Variants in AMOTL1 observed in about 807,000 individuals in gnomAD.
The protein encoded by AMOTL1 is angiomotin like 1.
Under a neutral mutation model 102.9 loss-of-function variants are expected in AMOTL1, and 45 were observed. The observed-to-expected ratio is 0.44, with a 90% confidence interval of 0.34 to 0.56. AMOTL1 has a LOEUF of 0.56. AMOTL1 is among the 20% of genes least tolerant of loss of function. The pLI is 0.01. For synonymous variants in AMOTL1, 481 were observed against 484.7 expected (o/e 0.99, Z 0.10); for missense variants, 1,114 against 1,225.6 (o/e 0.91, Z 1.36).
chr11:94,763,635 A>G (rs181436421), upstream of AMOTL1, among the ~76,000 whole-genome samples: 20 of 152,362 alleles, frequency 1.3e-4, no homozygotes, highest in Middle Eastern at 0.01. Flanking sequence ...TTCATATGTT[A>G]TATGTATTAA....
intron 3 of AMOTL1, among the ~76,000 whole-genome samples, chr11:94,817,822 A>C (rs747680985): frequency 2.6e-5 from 4 of 152,238 alleles, no homozygotes; most frequent in Non-Finnish European, 4.4e-5. Context: ...TGTGTTCATA[A>C]ACATCGAGCA....
chr11:94,710,997 C>G (rs1950015670), intron 1 of AMOTL1, among the ~76,000 whole-genome samples: 1 of 152,220 alleles, frequency 6.6e-6, no homozygotes, highest in Non-Finnish European at 1.5e-5. Flanking sequence ...CTACGGGGAT[C>G]CAAAGCCCAA....
chr11:94,755,199 C>T (rs1000973077), intron 3 of AMOTL1, among the ~76,000 whole-genome samples: 9 of 152,208 alleles, frequency 5.9e-5, no homozygotes, highest in African/African-American at 2.2e-4. Flanking sequence ...TTGATGCGTG[C>T]TTCACTGTGC....
intron 6 of AMOTL1, among the ~76,000 whole-genome samples, chr11:94,838,623 AAAG>A (rs1340528096): frequency 2.4e-4 from 37 of 152,356 alleles, no homozygotes; most frequent in African/African-American, 8.4e-4. Flanking sequence ...AGTCATGGAA[AAAG>A]AAGAAGAAAG....
At chr11:94,857,025 A>G (rs1016829754) in intron 8 of AMOTL1, among the ~76,000 whole-genome samples, 3 of 152,202 alleles carry the variant, frequency 2.0e-5, no homozygotes, top group Non-Finnish European at 2.9e-5. Context: ...GCAGAGAGGC[A>G]TGGAATCGTG....
At chr11:94,827,825 G>C (rs191516685) in intron 4 of AMOTL1, among the ~76,000 whole-genome samples, 1 of 152,324 alleles carries the variant, frequency 6.6e-6, no homozygotes, top group African/African-American at 2.4e-5. Context: ...CTCTCAGGGT[G>C]CTGACCACAG....
At chr11:94,723,935 C>G (rs968763585) in intron 1 of AMOTL1, among the ~76,000 whole-genome samples, 3 of 152,082 alleles carry the variant, frequency 2.0e-5, no homozygotes, top group Non-Finnish European at 4.4e-5. Context: ...AGCTTAGAAA[C>G]GGAAACTCGT....
At chr11:94,815,354 A>AC (rs960972046) in intron 3 of AMOTL1, among the ~76,000 whole-genome samples, 1 of 152,118 alleles carries the variant, frequency 6.6e-6, no homozygotes, top group African/African-American at 2.4e-5. Flanking sequence ...AAACAAACAA[A>AC]AAAAAAATTT....
intron 10 of AMOTL1, 101 bp from the exon 11 acceptor site, chr11:94,865,841 C>A: frequency 1.0e-6 from 1 of 994,308 alleles, no homozygotes; most frequent in Non-Finnish European, 1.5e-6. Context: ...ATCCTGTATC[C>A]CTAAATTACA....
At chr11:94,826,095 G>A (rs1157950982) in intron 4 of AMOTL1, among the ~76,000 whole-genome samples, 1 of 152,116 alleles carries the variant, frequency 6.6e-6, no homozygotes, top group Non-Finnish European at 1.5e-5. Flanking sequence ...GACCAGCCTG[G>A]CTAACATGGT....
intron 8 of AMOTL1, among the ~76,000 whole-genome samples, chr11:94,858,157 G>T (rs1168345440): frequency 6.6e-6 from 1 of 152,108 alleles, no homozygotes; most frequent in Admixed American, 6.5e-5. Context: ...ACTTTTCTTG[G>T]AAAGTTTCTA....
chr11:94,758,213 A>G (rs1950750644), intron 3 of AMOTL1, among the ~76,000 whole-genome samples: 1 of 152,264 alleles, frequency 6.6e-6, no homozygotes. Context: ...GATATGGAGC[A>G]GTGCCTAATG....
In AMOTL1 at chr11:94,830,106, C is replaced by T; in HGVS notation, c.1470C>T (p.Thr490=). 1.2e-6 allele frequency: 2 copies of T among 1,610,306 alleles called. No individual in the cohort carries two copies. Among genetic ancestry groups the T allele is most frequent in the African/African-American group, 1.3e-5 (1 of 75,000 alleles). ...CCTATGAAAGTCTGGTCAAGTCTAC[C>T]ACCAAGCGAGAATCGCTGGACAAGG... The part of the protein sequence containing the change: ...SEAYESLVKS[T]TKRESLDKAM... Residue 490 remains threonine, a synonymous_variant, in exon 5 of 13, where the codon ACC becomes ACT. Transcript: ENST00000433060.
chr11:94,796,115 T>G (rs1395036376), intron 2 of AMOTL1, among the ~76,000 whole-genome samples: 1 of 152,234 alleles, frequency 6.6e-6, no homozygotes, highest in African/African-American at 2.4e-5. Flanking sequence ...TTTAAAATTT[T>G]TTTGCTGTTG....
intron 7 of AMOTL1, among the ~76,000 whole-genome samples, chr11:94,850,685 T>C (rs999836232): frequency 6.6e-6 from 1 of 152,126 alleles, no homozygotes; most frequent in Non-Finnish European, 1.5e-5. Context: ...AGGCTATAGA[T>C]GAAGAAGAAG....
At chr11:94,749,092 A>G (rs763908995) in intron 3 of AMOTL1, among the ~76,000 whole-genome samples, 1 of 152,190 alleles carries the variant, frequency 6.6e-6, no homozygotes, top group Non-Finnish European at 1.5e-5. Context: ...GGAGGGTGAG[A>G]AGTCCCGTGA....
intron 1 of AMOTL1, among the ~76,000 whole-genome samples, chr11:94,786,341 G>A (rs1456350738): frequency 1.3e-5 from 2 of 152,178 alleles, no homozygotes; most frequent in African/African-American, 4.8e-5. Flanking sequence ...TGTGTGAGAG[G>A]TGGGACTGGG....
At chr11:94,810,862 A>G (rs967114499) in intron 3 of AMOTL1, among the ~76,000 whole-genome samples, 1 of 151,184 alleles carries the variant, frequency 6.6e-6, no homozygotes, top group African/African-American at 2.4e-5. Flanking sequence ...ACACACACAC[A>G]CACACACGCG....
At chr11:94,868,482 C>T (rs889098979) in intron 11 of AMOTL1, among the ~76,000 whole-genome samples, 1 of 152,198 alleles carries the variant, frequency 6.6e-6, no homozygotes, top group Non-Finnish European at 1.5e-5. Context: ...CCACCCCAGC[C>T]TCACTACTCT....
Sources: allele counts gnomAD v4.1 joint callset (sites outside exome capture counted in the v4.1 genomes callset), GRCh38; gene constraint gnomAD v4.1.1; transcripts MANE v1.5; gene names NCBI Gene and HGNC (gene_info 2026-07-23, HGNC 2026-07-21).